The following CEP85L variants were observed in gnomAD, a reference collection of about 807,000 sequenced individuals.
CEP85L encodes centrosomal protein of 85 kDa-like.
CEP85L carries 60 observed loss-of-function variants against 100.3 expected under a neutral mutation model. That is an observed-to-expected ratio of 0.60 (90% CI 0.49 to 0.74). The LOEUF (loss-of-function observed/expected upper bound fraction) is 0.74, where lower values mean the gene tolerates loss of function less well. Ranked by LOEUF, CEP85L falls within the 30% of genes least tolerant of loss-of-function variation. The pLI, the probability that CEP85L is intolerant of heterozygous loss-of-function variation, is 0.00. For missense variants in CEP85L, 973 were observed against 936.2 expected (o/e 1.04, Z -0.51); for synonymous variants, 319 against 322.7 (o/e 0.99, Z 0.12).
chr6:118,493,048 G>A (rs1167988335), intron 5 of CEP85L, among the ~76,000 whole-genome samples: 1 of 152,054 alleles, frequency 6.6e-6, no homozygotes, highest in East Asian at 1.9e-4. Context: ...GAATGAATAT[G>A]GTAGCCAAAT....
intron 2 of CEP85L, among the ~76,000 whole-genome samples, chr6:118,593,701 T>G (rs1433539358): frequency 6.7e-6 from 1 of 148,520 alleles, no homozygotes; most frequent in Non-Finnish European, 1.5e-5. Context: ...AAAAAAAAAG[T>G]ATGGTCTTGA....
intron 2 of CEP85L, among the ~76,000 whole-genome samples, chr6:118,607,218 G>A (rs1325480197): frequency 1.3e-5 from 2 of 152,112 alleles, no homozygotes; most frequent in Non-Finnish European, 2.9e-5. Flanking sequence ...TCCGACTTAA[G>A]AGTTTCAACA....
chr6:118,484,653 TG>T (rs1774042445), intron 6 of CEP85L, among the ~76,000 whole-genome samples: 1 of 152,228 alleles, frequency 6.6e-6, no homozygotes, highest in African/African-American at 2.4e-5. Flanking sequence ...TTGAAATCAG[TG>T]AAGTATTCAT....
At chr6:118,665,570 G>A (rs1386216542) in intron 1 of CEP85L, among the ~76,000 whole-genome samples, 2 of 151,810 alleles carry the variant, frequency 1.3e-5, no homozygotes, top group South Asian at 2.1e-4. Flanking sequence ...CGTTGCCCAC[G>A]CTGGTCTCAA....
intron 2 of CEP85L, among the ~76,000 whole-genome samples, chr6:118,576,633 T>C (rs1780250262): frequency 1.3e-5 from 2 of 152,152 alleles, no homozygotes; most frequent in South Asian, 2.1e-4. Context: ...TTAATACTCC[T>C]GTGTCTTGCA....
chr6:118,550,054 T>G (rs1177598138), intron 3 of CEP85L, among the ~76,000 whole-genome samples: 1 of 151,902 alleles, frequency 6.6e-6, no homozygotes, highest in East Asian at 1.9e-4. Flanking sequence ...AAAAAAAGTG[T>G]TAGATGAAAT....
At chr6:118,542,061 T>C (rs570776977) in intron 3 of CEP85L, among the ~76,000 whole-genome samples, 1 of 152,174 alleles carries the variant, frequency 6.6e-6, no homozygotes, top group Non-Finnish European at 1.5e-5. Flanking sequence ...TTTATTTACA[T>C]AGATGGAATC....
At chr6:118,482,522 G>GT (rs1773863245) in intron 7 of CEP85L, among the ~76,000 whole-genome samples, 1 of 152,182 alleles carries the variant, frequency 6.6e-6, no homozygotes, top group South Asian at 2.1e-4. Flanking sequence ...ACGATAGCAT[G>GT]TGTCAGAATT....
In CEP85L at chr6:118,632,595, T is replaced by C. The variant is rs750524913; in HGVS notation, c.90A>G (p.Ser30=). ...RSFPAGPDYS[S]AWLPANESLW... The stretch of plus-strand genomic sequence containing the variant: ...ATGATTCATTAGCAGGTAGCCATGC[T>C]GATGAATAATCTGGGCCTAAAAAGG... The change falls in exon 2 of 13, where the codon TCA becomes TCG. Residue 30 remains serine (S), a synonymous_variant. Transcript: ENST00000368491. 2 of 1,610,444 alleles carry C rather than the reference T, an allele frequency of 1.2e-6. No homozygotes were observed. Among genetic ancestry groups the C allele is most frequent in the South Asian group, 2.2e-5 (2 of 89,828 alleles).
intron 2 of CEP85L, among the ~76,000 whole-genome samples, chr6:118,575,893 T>A (rs1404581284): frequency 6.6e-6 from 1 of 152,006 alleles, no homozygotes; most frequent in Non-Finnish European, 1.5e-5. Context: ...CCAAGTTGAC[T>A]ATACTGAAAT....
chr6:118,690,634 T>C lies in CEP85L; in HGVS notation c.-28+19402A>G, dbSNP rs1204387063. ...TCATTGGGATTGCTCTAGTTAAACA[T>C]AAATCCAAAGCTGCTGGTGGCCATT... On this transcript the variant is annotated intron_variant, in intron 1 of 13. Coordinates refer to the CEP85L transcript ENST00000368488. 4.6e-5 allele frequency among the ~76,000 whole-genome samples: 7 copies of C among 152,344 alleles called. No homozygotes were observed. The East Asian group carries it at 1.3e-3, about 29-fold the overall frequency.
At chr6:118,523,772 G>T (rs763622152) in intron 4 of CEP85L, 30 bp downstream of exon 4, 1 of 1,099,006 alleles carries the variant, frequency 9.1e-7, no homozygotes, top group Non-Finnish European at 1.4e-6. Flanking sequence ...CTGTAGGCCT[G>T]AAATATTTAA....
At chr6:118,634,918 C>A (rs941935100) in intron 1 of CEP85L, among the ~76,000 whole-genome samples, 1 of 151,742 alleles carries the variant, frequency 6.6e-6, no homozygotes, top group East Asian at 1.9e-4. Flanking sequence ...ATATAAGAAA[C>A]GATGCCAAAT....
At chr6:118,536,047 TCAA>T (rs1042319781) in intron 3 of CEP85L, among the ~76,000 whole-genome samples, 14 of 152,028 alleles carry the variant, frequency 9.2e-5, no homozygotes, top group African/African-American at 3.4e-4. Flanking sequence ...TATCTCCCAC[TCAA>T]CAACAGTAGA....
intron 1 of CEP85L, among the ~76,000 whole-genome samples, chr6:118,678,853 AC>A (rs1776559519): frequency 6.6e-6 from 1 of 152,188 alleles, no homozygotes; most frequent in Non-Finnish European, 1.5e-5. Context: ...AATCTCTTGA[AC>A]CCGGGAGGTG....
chr6:118,695,992 G>T (rs4945624), intron 1 of CEP85L, among the ~76,000 whole-genome samples: 47,406 of 151,936 alleles, frequency 0.31, 7,870 homozygotes, highest in Non-Finnish European at 0.37. Flanking sequence ...GTTAGGAGGC[G>T]GGGCATGGTG....
rs185387580 is a variant in CEP85L at position 118,688,916 on chromosome 6, G to A, written c.-28+21120C>T. 3.5e-4 allele frequency among the ~76,000 whole-genome samples: 53 copies of A among 152,316 alleles called. No homozygotes were observed. The East Asian group carries it at 9.8e-3, about 28-fold the overall frequency. ...TGGACCACTTCCGGACCATGTTTATGTTCCCCAGTGCAAATATCAGCCATC... is the reference window on the plus strand; with the variant it reads ...TGGACCACTTCCGGACCATGTTTATATTCCCCAGTGCAAATATCAGCCATC... On this transcript the variant is annotated intron_variant, in intron 1 of 13. Coordinates refer to the CEP85L transcript ENST00000368488.
intron 4 of CEP85L, among the ~76,000 whole-genome samples, chr6:118,523,228 G>A (rs1776766756): frequency 6.6e-6 from 1 of 152,132 alleles, no homozygotes; most frequent in Admixed American, 6.5e-5. Flanking sequence ...GATGTAACAT[G>A]AAGGTTTACT....
chr6:118,662,543 A>T (rs1284752679), intron 1 of CEP85L, among the ~76,000 whole-genome samples: 1 of 152,086 alleles, frequency 6.6e-6, no homozygotes, highest in Admixed American at 6.6e-5. Context: ...AAGAAAAAAA[A>T]AAAAAAGAAT....
Sources: allele counts gnomAD v4.1 joint callset (sites outside exome capture counted in the v4.1 genomes callset), GRCh38; gene constraint gnomAD v4.1.1; transcripts MANE v1.5; gene names NCBI Gene and HGNC (gene_info 2026-07-23, HGNC 2026-07-21).